DAAM1: variants seen among roughly 807,000 people sequenced by gnomAD.
The protein encoded by DAAM1 is disheveled-associated activator of morphogenesis 1.
DAAM1 carries 52 observed loss-of-function variants against 130.0 expected under a neutral mutation model. The ratio of observed to expected loss-of-function variants is 0.40; its 90% CI spans 0.32 to 0.50. The LOEUF (loss-of-function observed/expected upper bound fraction) is 0.50. DAAM1 is among the 20% of genes least tolerant of loss of function. DAAM1 has a pLI of 0.61. For synonymous variants in DAAM1, 452 were observed against 444.5 expected (o/e 1.02, Z -0.21); for missense variants, 1,134 against 1,303.8 (o/e 0.87, Z 2.01).
chr14:59,248,721 GC>G (rs1322386616), intron 1 of DAAM1, among the ~76,000 whole-genome samples: 1 of 152,110 alleles, frequency 6.6e-6, no homozygotes, highest in Non-Finnish European at 1.5e-5. Context: ...TTTGTATAGG[GC>G]AAGCAGGTTT....
chr14:59,338,223 C>G (rs1462967373), intron 15 of DAAM1, among the ~76,000 whole-genome samples: 1 of 152,176 alleles, frequency 6.6e-6, no homozygotes, highest in African/African-American at 2.4e-5. Context: ...GCCAAATTTT[C>G]TCATCTTCAT....
chr14:59,201,482 G>A (rs1314195258), intron 1 of DAAM1, among the ~76,000 whole-genome samples: 1 of 152,074 alleles, frequency 6.6e-6, no homozygotes, highest in Non-Finnish European at 1.5e-5. Flanking sequence ...GGGTGTGGTG[G>A]CTGTTGCCTG....
intron 1 of DAAM1, among the ~76,000 whole-genome samples, chr14:59,237,145 G>A (rs1889329680): frequency 6.6e-6 from 1 of 152,148 alleles, no homozygotes; most frequent in Non-Finnish European, 1.5e-5. Flanking sequence ...ATGTGGAAAG[G>A]GTGGATTGGA....
At chr14:59,353,433 A>G (rs1167043159) in intron 18 of DAAM1, among the ~76,000 whole-genome samples, 2 of 152,208 alleles carry the variant, frequency 1.3e-5, no homozygotes, top group Non-Finnish European at 2.9e-5. Context: ...GGAAAGTAAA[A>G]TGGAAAGTTA....
intron 3 of DAAM1, among the ~76,000 whole-genome samples, chr14:59,310,748 G>A (rs368195586): frequency 6.6e-6 from 1 of 152,176 alleles, no homozygotes; most frequent in South Asian, 2.1e-4. Context: ...AGTCTAGACA[G>A]TTAAAGAGTG....
chr14:59,249,469 C>T (rs1881538932), intron 1 of DAAM1, among the ~76,000 whole-genome samples: 1 of 152,200 alleles, frequency 6.6e-6, no homozygotes, highest in Admixed American at 6.5e-5. Context: ...ACTTCCTTTT[C>T]AGCTGTCTGT....
intron 22 of DAAM1, chr14:59,362,135 C>T (rs1295046294): frequency 6.6e-6 from 1 of 151,344 alleles, no homozygotes; most frequent in Non-Finnish European, 1.5e-5. Flanking sequence ...GCCCTAAAGC[C>T]TGGCTCTGAC....
intron 1 of DAAM1, among the ~76,000 whole-genome samples, chr14:59,190,425 C>T (rs759536958): frequency 1.3e-5 from 2 of 152,140 alleles, no homozygotes; most frequent in African/African-American, 2.4e-5. Context: ...TGAAAGGCGC[C>T]CTCCCCTGTT....
chr14:59,190,196 C>T (rs539116180), intron 1 of DAAM1, among the ~76,000 whole-genome samples: 6 of 152,230 alleles, frequency 3.9e-5, no homozygotes, highest in African/African-American at 1.2e-4. Context: ...CGGGACTCTC[C>T]CCTTTCTCTC....
chr14:59,344,051 G>T (rs1472136613), intron 16 of DAAM1, among the ~76,000 whole-genome samples: 1 of 152,168 alleles, frequency 6.6e-6, no homozygotes, highest in Non-Finnish European at 1.5e-5. Flanking sequence ...CCAAAGGCCT[G>T]GGGGTGGCAG....
intron 16 of DAAM1, among the ~76,000 whole-genome samples, chr14:59,347,189 C>G (rs1355549875): frequency 6.6e-6 from 1 of 152,190 alleles, no homozygotes; most frequent in Non-Finnish European, 1.5e-5. Context: ...AGGTCAGAAA[C>G]TTAATTCTGT....
At chr14:59,324,308 C>T (rs1594823109) in intron 7 of DAAM1, 43 bp from the exon 8 acceptor site, 1 of 1,481,614 alleles carries the variant, frequency 6.7e-7, no homozygotes, top group Middle Eastern at 1.9e-4. Flanking sequence ...ATTATGTAGT[C>T]TAAAAACCAC....
chr14:59,194,995 AGC>A (rs1386306192), intron 1 of DAAM1, among the ~76,000 whole-genome samples: 2 of 152,280 alleles, frequency 1.3e-5, no homozygotes, highest in African/African-American at 4.8e-5. Context: ...ATAATAGGAA[AGC>A]TATGCCTTAA....
At chr14:59,360,184 G>A (rs1295345738) in intron 21 of DAAM1, among the ~76,000 whole-genome samples, 2 of 152,004 alleles carry the variant, frequency 1.3e-5, no homozygotes, top group Admixed American at 1.3e-4. Context: ...AAATTATCTG[G>A]GAGAATTAAG....
chr14:59,298,589 C>T (rs1358619404), intron 3 of DAAM1, among the ~76,000 whole-genome samples: 1 of 152,134 alleles, frequency 6.6e-6, no homozygotes, highest in East Asian at 1.9e-4. Context: ...TCTTTATTTC[C>T]TTTTTATTGC....
intron 3 of DAAM1, among the ~76,000 whole-genome samples, chr14:59,300,437 A>C (rs539759130): frequency 3.9e-5 from 6 of 152,228 alleles, no homozygotes; most frequent in Non-Finnish European, 4.4e-5. Flanking sequence ...TAATTACCAG[A>C]GCAATCATTC....
chr14:59,289,784 A>ATATATATATATATATATG, intron 2 of DAAM1, among the ~76,000 whole-genome samples: 1 of 128,714 alleles, frequency 7.8e-6, no homozygotes, highest in Non-Finnish European at 1.7e-5. Flanking sequence ...ATATATATAT[A>ATATATATATATATATATG]ATGGAATGCT....
chr14:59,369,110 C>T lies in DAAM1; in HGVS notation c.*251C>T, dbSNP rs757882388. ...TTAATGTATGTGCTCCAAAACCTTTCGTGTATGCATTCACATTGAGTGTGG... is the reference window on the plus strand; with the variant it reads ...TTAATGTATGTGCTCCAAAACCTTTTGTGTATGCATTCACATTGAGTGTGG... On this transcript the variant is annotated 3_prime_UTR_variant, in exon 25 of 25. Coordinates refer to ENST00000360909, the MANE Select transcript of DAAM1 (RefSeq NM_001270520.2). 10 of 389,300 alleles carry T rather than the reference C, an allele frequency of 2.6e-5. No individual in the cohort carries two copies. Among genetic ancestry groups the T allele is most frequent in the African/African-American group, 4.2e-5 (2 of 48,008 alleles). The allele number at this position is 389,300 out of a possible 1,614,324, so 24.1% of individuals were successfully genotyped here.
At chr14:59,277,965 G>A (rs1444275744) in intron 2 of DAAM1, among the ~76,000 whole-genome samples, 1 of 152,066 alleles carries the variant, frequency 6.6e-6, no homozygotes, top group East Asian at 1.9e-4. Flanking sequence ...AGTACTGAAC[G>A]CTATATATAC....
Sources: allele counts gnomAD v4.1 joint callset (sites outside exome capture counted in the v4.1 genomes callset), GRCh38; gene constraint gnomAD v4.1.1; transcripts MANE v1.5; gene names NCBI Gene and HGNC (gene_info 2026-07-23, HGNC 2026-07-21).